Variants in NCKAP5 observed in about 807,000 individuals in gnomAD.
The protein encoded by NCKAP5 is NCK associated protein 5, also known as nck-associated protein 5.
Under a neutral mutation model 167.0 loss-of-function variants are expected in NCKAP5, and 92 were observed. The ratio of observed to expected loss-of-function variants is 0.55; its 90% CI spans 0.47 to 0.66. NCKAP5 has a LOEUF of 0.66. Ranked by LOEUF, NCKAP5 falls within the 30% of genes least tolerant of loss-of-function variation. The probability of loss-of-function intolerance (pLI) is 0.00; values close to 1 mark genes in which losing one functional copy is unlikely to be tolerated. For missense variants in NCKAP5, 2,378 were observed against 2,315.0 expected (o/e 1.03, Z -0.56); for synonymous variants, 891 against 877.4 (o/e 1.02, Z -0.27).
the NCKAP5 span, among the ~76,000 whole-genome samples, chr2:133,640,640 G>A: frequency 1.3e-5 from 2 of 152,072 alleles, no homozygotes; most frequent in African/African-American, 4.8e-5. Flanking sequence ...AGACTACCCA[G>A]GCAAAAACGT....
chr2:133,643,947 T>C, the NCKAP5 span, among the ~76,000 whole-genome samples: 5 of 152,208 alleles, frequency 3.3e-5, no homozygotes, highest in African/African-American at 9.7e-5. Context: ...CTCCAACTTG[T>C]CTCTTAGGAC....
At chr2:133,238,913 C>T (rs936518465) in intron 4 of NCKAP5, among the ~76,000 whole-genome samples, 17 of 152,182 alleles carry the variant, frequency 1.1e-4, no homozygotes, top group Non-Finnish European at 1.8e-4. Context: ...AATCCCCTTC[C>T]CATTCTCTCA....
intron 16 of NCKAP5, among the ~76,000 whole-genome samples, chr2:132,773,555 C>T (rs988885316): frequency 1.3e-5 from 2 of 152,198 alleles, no homozygotes; most frequent in African/African-American, 4.8e-5. Flanking sequence ...CTCAGTATCA[C>T]TTTCATTTCA....
intron 6 of NCKAP5, among the ~76,000 whole-genome samples, chr2:133,041,759 T>A (rs566370032): frequency 6.6e-6 from 1 of 152,276 alleles, no homozygotes; most frequent in African/African-American, 2.4e-5. Context: ...ACAGTGAACA[T>A]ACACAAGGTC....
At chr2:133,635,136 A>G in the NCKAP5 span, among the ~76,000 whole-genome samples, 2 of 152,104 alleles carry the variant, frequency 1.3e-5, no homozygotes, top group African/African-American at 2.4e-5. Flanking sequence ...GGCCTCCCCA[A>G]GTTCTGGGAT....
chr2:133,523,285 C>T (rs1339094151), intron 2 of NCKAP5, among the ~76,000 whole-genome samples: 2 of 149,242 alleles, frequency 1.3e-5, no homozygotes, highest in East Asian at 3.9e-4. Flanking sequence ...GGCATATCCC[C>T]TCACATACAC....
chr2:133,467,457 T>G (rs1294577056), intron 3 of NCKAP5, among the ~76,000 whole-genome samples: 3 of 152,136 alleles, frequency 2.0e-5, no homozygotes, highest in African/African-American at 7.2e-5. Context: ...TCAGGGATAT[T>G]GGTCTAAAAT....
intron 8 of NCKAP5, among the ~76,000 whole-genome samples, chr2:132,939,815 C>T (rs1214662552): frequency 2.0e-5 from 3 of 152,040 alleles, no homozygotes; most frequent in Non-Finnish European, 4.4e-5. Flanking sequence ...GCCTGGTCAA[C>T]ATGGTGAAAT....
At chr2:133,665,785 A>G in the NCKAP5 span, among the ~76,000 whole-genome samples, 1 of 152,252 alleles carries the variant, frequency 6.6e-6, no homozygotes, top group Non-Finnish European at 1.5e-5. Flanking sequence ...TATTGTGGGT[A>G]AAAACTGTTA....
At chr2:133,374,007 G>A (rs546414340) in intron 3 of NCKAP5, among the ~76,000 whole-genome samples, 1 of 152,142 alleles carries the variant, frequency 6.6e-6, no homozygotes, top group South Asian at 2.1e-4. Flanking sequence ...CACATGCCTG[G>A]GTATTTACCC....
intron 4 of NCKAP5, among the ~76,000 whole-genome samples, chr2:133,260,377 G>A (rs2150366782): frequency 6.6e-6 from 1 of 152,298 alleles, no homozygotes; most frequent in East Asian, 1.9e-4. Context: ...ATTTGGTGCT[G>A]TAATTCCTTT....
At chr2:133,463,323 T>C (rs926120203) in intron 3 of NCKAP5, among the ~76,000 whole-genome samples, 5 of 152,216 alleles carry the variant, frequency 3.3e-5, no homozygotes, top group African/African-American at 1.2e-4. Context: ...TGCATGCATA[T>C]TGTAGCAAAT....
rs984028528 is a variant in NCKAP5, at chr2:133,081,328, T to A, written c.341+48650A>T. Reference sequence around the variant, plus strand: ...TGATGTAAAAACTAAAGTGAAAGATTAGGAAGACTAGAAAGAAAATAAGAT... The same window carrying A: ...TGATGTAAAAACTAAAGTGAAAGATAAGGAAGACTAGAAAGAAAATAAGAT... On this transcript the variant is annotated intron_variant, in intron 6 of 19. Transcript: ENST00000409261. 4.5e-4 allele frequency among the ~76,000 whole-genome samples: 69 copies of A among 152,152 alleles called. 1 individual carries two copies. Among genetic ancestry groups the A allele is most frequent in the African/African-American group, 1.7e-3 (69 of 41,436 alleles).
intron 4 of NCKAP5, chr2:133,267,322 T>A (rs1305281981): frequency 1.3e-5 from 2 of 152,194 alleles, no homozygotes; most frequent in African/African-American, 4.8e-5. Context: ...TCTGTCTGGG[T>A]GGAACGAATG....
chr2:133,223,955 C>G (rs2086770815), intron 4 of NCKAP5, among the ~76,000 whole-genome samples: 1 of 152,186 alleles, frequency 6.6e-6, no homozygotes, highest in Non-Finnish European at 1.5e-5. Flanking sequence ...TGTTGGAATA[C>G]AGAGATAGTT....
intron 5 of NCKAP5, among the ~76,000 whole-genome samples, chr2:133,154,793 G>A (rs1377668621): frequency 2.0e-5 from 3 of 152,242 alleles, no homozygotes; most frequent in African/African-American, 7.2e-5. Context: ...ATCAGAGGGA[G>A]TGGTCTATTT....
At chr2:132,699,437 G>A (rs1207317911) in intron 19 of NCKAP5, among the ~76,000 whole-genome samples, 3 of 151,958 alleles carry the variant, frequency 2.0e-5, no homozygotes, top group Admixed American at 6.6e-5. Flanking sequence ...CTGTTAACTC[G>A]TCCTTTACAT....
intron 3 of NCKAP5, among the ~76,000 whole-genome samples, chr2:133,368,357 C>T (rs1016979486): frequency 3.3e-5 from 5 of 152,082 alleles, no homozygotes; most frequent in Admixed American, 6.5e-5. Flanking sequence ...AAAATGTTAA[C>T]AGTGCTTAAT....
intron 3 of NCKAP5, among the ~76,000 whole-genome samples, chr2:133,458,534 T>C (rs950998293): frequency 2.0e-5 from 3 of 152,078 alleles, no homozygotes; most frequent in African/African-American, 7.2e-5. Flanking sequence ...TTATTTCCTA[T>C]CCCCACAATG....
Sources: gnomAD v4.1 joint callset for allele counts (sites outside exome capture counted in the v4.1 genomes callset) on GRCh38, gnomAD v4.1.1 for gene constraint, MANE v1.5 for transcripts, NCBI Gene and HGNC (gene_info 2026-07-23, HGNC 2026-07-21) for gene names.